Variants in SLC9C1 observed in about 807,000 individuals in gnomAD.
SLC9C1 encodes sodium/hydrogen exchanger 10.
A neutral mutation model predicts 140.9 loss-of-function variants in SLC9C1; 97 were observed. The ratio of observed to expected loss-of-function variants is 0.69; its 90% CI spans 0.58 to 0.82. The LOEUF (loss-of-function observed/expected upper bound fraction) is 0.82. SLC9C1 is among the 40% of genes least tolerant of loss of function. The pLI is 0.00. For missense variants in SLC9C1, 1,340 were observed against 1,389.3 expected (o/e 0.96, Z 0.56); for synonymous variants, 440 against 442.6 (o/e 0.99, Z 0.07).
intron 26 of SLC9C1, among the ~76,000 whole-genome samples, chr3:112,158,958 T>G (rs2075207856): frequency 6.6e-6 from 1 of 151,824 alleles, no homozygotes; most frequent in South Asian, 2.1e-4. Flanking sequence ...TAAAAAAAAA[T>G]ATTTTTGCCA....
At chr3:112,222,941 C>G (rs1434715791) in intron 13 of SLC9C1, among the ~76,000 whole-genome samples, 1 of 152,060 alleles carries the variant, frequency 6.6e-6, no homozygotes, top group Admixed American at 6.6e-5. Context: ...TCTGAAACAT[C>G]TTTAAACATT....
chr3:112,276,266 G>A (rs1374219842), intron 5 of SLC9C1, among the ~76,000 whole-genome samples: 2 of 151,966 alleles, frequency 1.3e-5, no homozygotes, highest in Non-Finnish European at 2.9e-5. Flanking sequence ...TCAGAAATAC[G>A]TAGTAGATGT....
At chr3:112,282,021 C>T (rs1333383036) in intron 2 of SLC9C1, among the ~76,000 whole-genome samples, 1 of 152,136 alleles carries the variant, frequency 6.6e-6, no homozygotes, top group Non-Finnish European at 1.5e-5. Flanking sequence ...AGAAAACCAA[C>T]AATTAACAGC....
At chr3:112,188,028 A>G (rs2077573247) in intron 20 of SLC9C1, among the ~76,000 whole-genome samples, 1 of 152,010 alleles carries the variant, frequency 6.6e-6, no homozygotes, top group African/African-American at 2.4e-5. Flanking sequence ...ATCTATTTAC[A>G]TATGTTTATT....
At chr3:112,189,191 C>T (rs2107987115) in intron 20 of SLC9C1, among the ~76,000 whole-genome samples, 1 of 152,304 alleles carries the variant, frequency 6.6e-6, no homozygotes, top group Admixed American at 6.5e-5. Context: ...CCTGTTCACT[C>T]TGATGGTAGT....
intron 12 of SLC9C1, among the ~76,000 whole-genome samples, chr3:112,237,919 C>CCA (rs2079035293): frequency 6.6e-6 from 1 of 152,104 alleles, no homozygotes; most frequent in African/African-American, 2.4e-5. Flanking sequence ...TTCGGTGAAT[C>CCA]TGACAATTAT....
intron 12 of SLC9C1, among the ~76,000 whole-genome samples, chr3:112,231,880 G>A (rs943511361): frequency 6.6e-6 from 1 of 152,124 alleles, no homozygotes; most frequent in African/African-American, 2.4e-5. Context: ...AATCATAATT[G>A]GAGGAGTGGG....
intron 12 of SLC9C1, among the ~76,000 whole-genome samples, chr3:112,233,735 G>A (rs973209338): frequency 1.3e-5 from 2 of 151,188 alleles, no homozygotes; most frequent in Admixed American, 1.3e-4. Flanking sequence ...GCAGTGTTTG[G>A]TTTTTTGTGC....
At chr3:112,155,107 T>C in intron 26 of SLC9C1, 58 bp from the exon 27 acceptor site, 1 of 1,423,300 alleles carries the variant, frequency 7.0e-7, no homozygotes. Flanking sequence ...TGACTATTTC[T>C]ATTAGTCCAA....
chr3:112,195,041 A>G (rs1385221639), intron 20 of SLC9C1, among the ~76,000 whole-genome samples: 3 of 152,128 alleles, frequency 2.0e-5, no homozygotes, highest in Admixed American at 6.5e-5. Context: ...TATAAGACAA[A>G]TGGTTTGCAA....
At chr3:112,172,735 G>C (rs1380043933) in intron 23 of SLC9C1, among the ~76,000 whole-genome samples, 1 of 151,952 alleles carries the variant, frequency 6.6e-6, no homozygotes, top group African/African-American at 2.4e-5. Context: ...AGTTTTTGGA[G>C]ATTTTTTAAA....
intron 27 of SLC9C1, among the ~76,000 whole-genome samples, chr3:112,152,301 G>C (rs2107856795): frequency 6.6e-6 from 1 of 152,210 alleles, no homozygotes; most frequent in East Asian, 1.9e-4. Context: ...TCATAAGTAA[G>C]TTTAAGGAAA....
At chr3:112,234,257 T>C (rs1450090806) in intron 12 of SLC9C1, among the ~76,000 whole-genome samples, 1 of 152,258 alleles carries the variant, frequency 6.6e-6, no homozygotes, top group African/African-American at 2.4e-5. Flanking sequence ...TTTTCATGTA[T>C]CTGTTGGCTG....
chr3:112,241,901 G>T (rs1008464374), intron 11 of SLC9C1, among the ~76,000 whole-genome samples: 2 of 152,132 alleles, frequency 1.3e-5, no homozygotes, highest in Non-Finnish European at 2.9e-5. Context: ...GCTGTATGCA[G>T]AACAATGAAA....
rs1403791847 is a variant in SLC9C1 at position 112,262,914 on chromosome 3, CTTTCTTTACTTGAGATT to C, written c.1190_1197+9del. ...ACAATATTCAGATAAGAAAATACAG[CTTTCTTTACTTGAGATT>C]TTTCTTTGTCAGATCCAAAATAAAG... On this transcript the variant is annotated splice_donor_variant and splice_donor_5th_base_variant and coding_sequence_variant and intron_variant, in exon 10 of 29. Coordinates refer to ENST00000305815, the MANE Select transcript of SLC9C1 (RefSeq NM_183061.3). LOFTEE classifies it high-confidence loss of function. 1 of 1,553,082 alleles carries C rather than the reference CTTTCTTTACTTGAGATT, an allele frequency of 6.4e-7. No homozygotes were observed. The highest frequency in any genetic ancestry group is 1.4e-5 in the African/African-American group (1 of 71,788).
At chr3:112,223,448 C>T (rs772240530) in intron 13 of SLC9C1, among the ~76,000 whole-genome samples, 3 of 152,056 alleles carry the variant, frequency 2.0e-5, no homozygotes, top group South Asian at 2.1e-4. Context: ...GAAATGCAAA[C>T]GTGTCTACTC....
intron 20 of SLC9C1, among the ~76,000 whole-genome samples, chr3:112,193,716 C>T (rs1361361470): frequency 6.6e-6 from 1 of 151,998 alleles, no homozygotes; most frequent in East Asian, 1.9e-4. Context: ...TGTAGCTGCT[C>T]TGCTAGCCTG....
In SLC9C1 at chr3:112,233,048, C is replaced by CAT. The variant is rs1479075072; in HGVS notation, c.1447-1563_1447-1562insAT. On this transcript the variant is annotated intron_variant, in intron 12 of 28. Transcript: ENST00000305815. The stretch of plus-strand genomic sequence containing the variant: ...TCATACACACACACACACACACACA[C>CAT]ACATATATATATATATATATTATAT... Among the ~76,000 whole-genome samples the CAT allele has an allele frequency of 7.7e-3, 486 of 62,958 alleles. 1 individual carries two copies. Among genetic ancestry groups the CAT allele is most frequent in the Non-Finnish European group, 0.011 (325 of 29,706 alleles). 41.3% of individuals were successfully genotyped at this position (62,958 alleles called of 152,430 possible). A position where few individuals can be genotyped will look rare whatever the true frequency, so the allele number is the denominator to read the frequency against.
chr3:112,256,700 C>T (rs9828290), intron 10 of SLC9C1, among the ~76,000 whole-genome samples: 2 of 151,906 alleles, frequency 1.3e-5, no homozygotes, highest in Non-Finnish European at 2.9e-5. Flanking sequence ...CATTATAGTA[C>T]CGGAAGTCCT....
Sources: allele counts gnomAD v4.1 joint callset (sites outside exome capture counted in the v4.1 genomes callset), GRCh38; gene constraint gnomAD v4.1.1; transcripts MANE v1.5; gene names NCBI Gene and HGNC (gene_info 2026-07-23, HGNC 2026-07-21).